Variants in SNX30 observed in about 807,000 individuals in gnomAD.
The protein encoded by SNX30 is sorting nexin-30.
In SNX30, 24 loss-of-function variants were observed where a neutral mutation model predicts 46.4. The ratio of observed to expected loss-of-function variants is 0.52; its 90% CI spans 0.37 to 0.73. The LOEUF (loss-of-function observed/expected upper bound fraction) is 0.73, where lower values mean the gene tolerates loss of function less well. SNX30 is among the 30% of genes least tolerant of loss of function. The pLI, the probability that SNX30 is intolerant of heterozygous loss-of-function variation, is 0.00. For synonymous variants in SNX30, 189 were observed against 211.5 expected, an observed-to-expected ratio of 0.89 and a Z score of 0.92; for missense variants, 533 against 555.7, an observed-to-expected ratio of 0.96 and a Z score of 0.41.
chr9:112,828,408 G>A (rs192965621), intron 3 of SNX30, among the ~76,000 whole-genome samples: 1 of 152,196 alleles, frequency 6.6e-6, no homozygotes, highest in Non-Finnish European at 1.5e-5. Flanking sequence ...CTAGGTTTGT[G>A]TAGGTGCACT....
At position 112,874,589 on chromosome 9, in the gene SNX30, C is replaced by G. The variant is rs1188873010; in HGVS notation, c.*5746C>G. 2 of 152,170 alleles carry G rather than the reference C, an allele frequency of 1.3e-5. No homozygotes were observed. 9.4% of individuals were successfully genotyped at this position (152,170 alleles called of 1,614,324 possible). On this transcript the variant is annotated 3_prime_UTR_variant, in exon 9 of 9. Transcript: ENST00000374232. ...GTGTAAATGTTACCTTCTCTCCATG[C>G]TGCCATTATGCCAAAACAAAAGCTG...
intron 2 of SNX30, among the ~76,000 whole-genome samples, chr9:112,814,561 G>T (rs1840368314): frequency 6.6e-6 from 1 of 152,102 alleles, no homozygotes; most frequent in African/African-American, 2.4e-5. Context: ...TTTTTAAAAA[G>T]ACCCCTGATA....
At chr9:112,773,299 G>A (rs1361720) in intron 1 of SNX30, among the ~76,000 whole-genome samples, 132,319 of 151,856 alleles carry the variant, frequency 0.87, 57,844 homozygotes, top group Middle Eastern at 0.91. Flanking sequence ...GCTTAATAAG[G>A]TTATGTACAA....
rs1179588386 is a variant in SNX30, at chr9:112,804,926, T to G, written c.307T>G (p.Cys103Gly). ...VIVDDPKKHV[C>G]TMETYITYRI... is the part of the protein sequence containing the mutation. The stretch of plus-strand genomic sequence containing the variant: ...AGTTGATGATCCCAAGAAGCATGTG[T>G]GTACAATGGAGACTTACATCACCTA... The change falls in exon 2 of 9, where the codon TGT becomes GGT. Residue 103 changes from cysteine (C) to glycine (G), a missense_variant. By Grantham distance (159) the Cys-to-Gly change is radical. Transcript: ENST00000374232. 6.2e-7 allele frequency: 1 copy of G among 1,613,056 alleles called. No homozygotes were observed. Among genetic ancestry groups the G allele is most frequent in the South Asian group, 1.1e-5 (1 of 90,904 alleles).
chr9:112,821,419 ATATATATGTGTGTTTGTATATATGTG>A (rs1840491607), intron 3 of SNX30, among the ~76,000 whole-genome samples: 1 of 151,582 alleles, frequency 6.6e-6, no homozygotes, highest in Admixed American at 6.7e-5. Flanking sequence ...ATGTGTGTAT[ATATATATGTGTGTTTGTATATATGTG>A]TATATATGTG....
chr9:112,758,113 C>T (rs1169819806), intron 1 of SNX30, among the ~76,000 whole-genome samples: 1 of 152,184 alleles, frequency 6.6e-6, no homozygotes, highest in African/African-American at 2.4e-5. Context: ...AACTTCCCTT[C>T]TTCAAATTTC....
intron 1 of SNX30, among the ~76,000 whole-genome samples, chr9:112,761,386 C>T (rs1839433866): frequency 6.6e-6 from 1 of 152,188 alleles, no homozygotes; most frequent in Admixed American, 6.5e-5. Context: ...TGGTCTCAAA[C>T]TCCTGACTTC....
intron 7 of SNX30, among the ~76,000 whole-genome samples, chr9:112,851,534 C>G (rs1841026690): frequency 6.6e-6 from 1 of 152,224 alleles, no homozygotes; most frequent in African/African-American, 2.4e-5. Context: ...TCGAGCAGCA[C>G]TAATCTTGCT....
intron 3 of SNX30, among the ~76,000 whole-genome samples, chr9:112,825,346 G>A (rs1840565185): frequency 6.6e-6 from 1 of 152,182 alleles, no homozygotes; most frequent in South Asian, 2.1e-4. Flanking sequence ...CCAGGCTGGA[G>A]TGCATTGGCA....
chr9:112,760,666 G>A (rs1839420313), intron 1 of SNX30, among the ~76,000 whole-genome samples: 1 of 152,144 alleles, frequency 6.6e-6, no homozygotes, highest in Admixed American at 6.6e-5. Flanking sequence ...AAGTTAGAAC[G>A]GGTTCCTGGT....
intron 7 of SNX30, among the ~76,000 whole-genome samples, chr9:112,851,512 A>C (rs1257037695): frequency 1.3e-5 from 2 of 152,052 alleles, no homozygotes; most frequent in African/African-American, 2.4e-5. Flanking sequence ...GTGGCCCTTT[A>C]CTCCACAGAG....
intron 1 of SNX30, among the ~76,000 whole-genome samples, chr9:112,766,586 A>G (rs184369716): frequency 6.6e-6 from 1 of 152,334 alleles, no homozygotes; most frequent in African/African-American, 2.4e-5. Context: ...TGCAAAACTG[A>G]AATTCTATAC....
chr9:112,870,093 G>A lies in SNX30; in HGVS notation c.*1250G>A, dbSNP rs1841422242. Reference sequence around the variant, plus strand: ...CTGGGGACTGCTGAGTGTGGTTACAGGCTGCATTTCAGACAATGACCAGGT... The same window carrying A: ...CTGGGGACTGCTGAGTGTGGTTACAAGCTGCATTTCAGACAATGACCAGGT... On this transcript the variant is annotated 3_prime_UTR_variant, in exon 9 of 9. Transcript: ENST00000374232. 1 of 152,154 alleles carries A rather than the reference G, an allele frequency of 6.6e-6. No homozygotes were observed. Among genetic ancestry groups the A allele is most frequent in the African/African-American group, 2.4e-5 (1 of 41,428 alleles). 9.4% of individuals were successfully genotyped at this position (152,154 alleles called of 1,614,324 possible). A position where few individuals can be genotyped will look rare whatever the true frequency, so the allele number is the denominator to read the frequency against.
At chr9:112,836,188 T>C (rs755254356) in intron 4 of SNX30, 26 bp from the exon 5 acceptor site, 92 of 1,570,724 alleles carry the variant, frequency 5.9e-5, no homozygotes, top group Middle Eastern at 5.7e-4. Flanking sequence ...GTGAGTGCTT[T>C]GAGCTTATTC....
intron 2 of SNX30, among the ~76,000 whole-genome samples, chr9:112,813,957 G>C (rs899201847): frequency 6.6e-6 from 1 of 152,122 alleles, no homozygotes; most frequent in Non-Finnish European, 1.5e-5. Context: ...CCACAGTTTA[G>C]ACATTATTTT....
At chr9:112,832,048 C>T (rs912551543) in intron 4 of SNX30, among the ~76,000 whole-genome samples, 3 of 152,238 alleles carry the variant, frequency 2.0e-5, no homozygotes, top group Admixed American at 6.5e-5. Flanking sequence ...TTAAAGACTT[C>T]GGAGAGTGTG....
chr9:112,783,194 T>C (rs1839872042), intron 1 of SNX30, among the ~76,000 whole-genome samples: 1 of 152,208 alleles, frequency 6.6e-6, no homozygotes. Flanking sequence ...TTTAATGAAA[T>C]CTCTGGCGCC....
intron 1 of SNX30, among the ~76,000 whole-genome samples, chr9:112,769,325 CGCATA>C (rs1839607285): frequency 6.6e-6 from 1 of 152,120 alleles, no homozygotes; most frequent in Non-Finnish European, 1.5e-5. Flanking sequence ...AGTGCTTGGC[CGCATA>C]GCATCCTGGG....
intron 6 of SNX30, among the ~76,000 whole-genome samples, chr9:112,847,061 G>T (rs1326911882): frequency 6.6e-6 from 1 of 152,164 alleles, no homozygotes; most frequent in Non-Finnish European, 1.5e-5. Context: ...CAAACATTTT[G>T]TCATTGTAGA....
Sources: allele counts gnomAD v4.1 joint callset (sites outside exome capture counted in the v4.1 genomes callset), GRCh38; gene constraint gnomAD v4.1.1; transcripts MANE v1.5; gene names NCBI Gene and HGNC (gene_info 2026-07-23, HGNC 2026-07-21).